Variants in DYRK1A observed in about 807,000 individuals in gnomAD.
DYRK1A encodes dual specificity tyrosine phosphorylation regulated kinase 1A, also known as dual specificity tyrosine-phosphorylation-regulated kinase 1A.
Under a neutral mutation model 79.7 loss-of-function variants are expected in DYRK1A, and 9 were observed. That is an observed-to-expected ratio of 0.11 (90% CI 0.07 to 0.20). The LOEUF (loss-of-function observed/expected upper bound fraction) is 0.20, where lower values mean the gene tolerates loss of function less well. Among genes scored for constraint, DYRK1A ranks in the 10% least tolerant of loss-of-function variants. DYRK1A has a pLI of 1.00. For missense variants in DYRK1A, 622 were observed against 956.0 expected, an observed-to-expected ratio of 0.65 and a Z score of 4.61; for synonymous variants, 349 against 329.7, an observed-to-expected ratio of 1.06 and a Z score of -0.63.
chr21:37,377,957 A>G (rs1430102933), intron 1 of DYRK1A, among the ~76,000 whole-genome samples: 1 of 152,234 alleles, frequency 6.6e-6, no homozygotes, highest in African/African-American at 2.4e-5. Flanking sequence ...TTCACCAGGT[A>G]TATGGATATT....
chr21:37,436,761 C>T (rs1371273951), intron 2 of DYRK1A, among the ~76,000 whole-genome samples: 1 of 152,088 alleles, frequency 6.6e-6, no homozygotes, highest in African/African-American at 2.4e-5. Context: ...ATCACACGTC[C>T]CCAGGCATAT....
intron 1 of DYRK1A, among the ~76,000 whole-genome samples, chr21:37,378,939 T>C (rs1224984467): frequency 6.6e-6 from 1 of 152,110 alleles, no homozygotes; most frequent in African/African-American, 2.4e-5. Context: ...GGGCTTTTTA[T>C]GGTGGAACCT....
intron 1 of DYRK1A, among the ~76,000 whole-genome samples, chr21:37,382,834 C>T (rs770287730): frequency 5.3e-5 from 8 of 152,052 alleles, no homozygotes; most frequent in South Asian, 4.2e-4. Context: ...AGTTAAGTGC[C>T]GTAAAGTTGA....
chr21:37,451,026 C>T (rs2051429723), intron 2 of DYRK1A, among the ~76,000 whole-genome samples: 3 of 152,100 alleles, frequency 2.0e-5, no homozygotes, highest in South Asian at 4.1e-4. Context: ...TCTTGGCTTA[C>T]GTGTATGTGT....
chr21:37,493,457 A>C (rs1220902378), intron 8 of DYRK1A, among the ~76,000 whole-genome samples: 1 of 152,238 alleles, frequency 6.6e-6, no homozygotes, highest in African/African-American at 2.4e-5. Context: ...CTTAAAGATG[A>C]TAAAGAATGA....
At chr21:37,505,999 G>A in intron 10 of DYRK1A, 100 bp from the exon 11 acceptor site, 1 of 1,353,448 alleles carries the variant, frequency 7.4e-7, no homozygotes, top group South Asian at 1.4e-5. Flanking sequence ...ATGTGTGTGT[G>A]TGAGTACTTT....
rs3138683 is a variant in DYRK1A, at chr21:37,458,268, C to CTGTGTGTGTGTGTGTGTG, written c.11-14394_11-14377dup. Among the ~76,000 whole-genome samples the CTGTGTGTGTGTGTGTGTG allele has an allele frequency of 6.5e-3, 847 of 130,526 alleles. 5 individuals are homozygous for CTGTGTGTGTGTGTGTGTG. Among genetic ancestry groups the CTGTGTGTGTGTGTGTGTG allele is most frequent in the Middle Eastern group, 0.012 (3 of 252 alleles). The allele number at this position is 130,526 out of a possible 152,430, so 85.6% of individuals were successfully genotyped here. ...TAGGGGAGGGCATCTGGGTAATTTA[C>CTGTGTGTGTGTGTGTGTG]TGTGTGTGTGTGTGTGTGTGTGTGT... On this transcript the variant is annotated intron_variant, in intron 2 of 11. Coordinates refer to ENST00000647188, the MANE Select transcript of DYRK1A (RefSeq NM_001347721.2).
intron 8 of DYRK1A, among the ~76,000 whole-genome samples, chr21:37,494,803 C>T (rs113475420): frequency 9.2e-5 from 14 of 151,900 alleles, no homozygotes; most frequent in African/African-American, 3.4e-4. Flanking sequence ...GAAAAATTAG[C>T]CTAGTGTGGT....
intron 5 of DYRK1A, 185 bp from the exon 6 acceptor site, chr21:37,486,282 T>G: frequency 2.6e-6 from 1 of 384,592 alleles, no homozygotes; most frequent in Non-Finnish European, 4.7e-6. Flanking sequence ...TTAAAGTTAC[T>G]GTGTAATAAG....
chr21:37,502,364 G>A (rs957103559), intron 9 of DYRK1A: 22 of 151,960 alleles, frequency 1.4e-4, no homozygotes, highest in African/African-American at 5.1e-4. Flanking sequence ...GGGGAGGTTT[G>A]TTGAATACTT....
At chr21:37,369,161 GT>G (rs1176946474) in intron 1 of DYRK1A, among the ~76,000 whole-genome samples, 1 of 152,136 alleles carries the variant, frequency 6.6e-6, no homozygotes, top group Non-Finnish European at 1.5e-5. Flanking sequence ...CCCTTTTATA[GT>G]TTATGTGTCC....
intron 11 of DYRK1A, among the ~76,000 whole-genome samples, chr21:37,510,924 G>A (rs150778097): frequency 6.6e-6 from 1 of 152,266 alleles, no homozygotes; most frequent in East Asian, 1.9e-4. Context: ...AGAATATTGT[G>A]CACAACCAGT....
In DYRK1A at chr21:37,366,778, G is replaced by T. The variant is rs1446308465; in HGVS notation, c.-927G>T. ...TGATTGACAGTTGCTATAGCGACCGGGTCGGTCCGTCGCCATTTTGTTGGT... is the reference window on the plus strand; with the variant it reads ...TGATTGACAGTTGCTATAGCGACCGTGTCGGTCCGTCGCCATTTTGTTGGT... On this transcript the variant is annotated 5_prime_UTR_variant, in exon 1 of 12. Coordinates refer to ENST00000647188, the MANE Select transcript of DYRK1A (RefSeq NM_001347721.2). Among the ~76,000 whole-genome samples, 1 of 152,008 alleles carries T rather than the reference G, an allele frequency of 6.6e-6. No individual in the cohort carries two copies. Among genetic ancestry groups the T allele is most frequent in the Admixed American group, 6.5e-5 (1 of 15,280 alleles).
At chr21:37,396,357 G>T (rs1049215728) in intron 1 of DYRK1A, among the ~76,000 whole-genome samples, 41 of 151,980 alleles carry the variant, frequency 2.7e-4, no homozygotes, top group Admixed American at 2.6e-3. Flanking sequence ...GTATTTGTCC[G>T]TTTTCTGTGT....
At chr21:37,426,460 T>G (rs977061811) in intron 2 of DYRK1A, among the ~76,000 whole-genome samples, 1 of 151,924 alleles carries the variant, frequency 6.6e-6, no homozygotes, top group Admixed American at 6.6e-5. Flanking sequence ...CAGAGAAATT[T>G]AGAAAATGAT....
At chr21:37,484,020 A>ACAG (rs1386682937) in intron 5 of DYRK1A, among the ~76,000 whole-genome samples, 1 of 152,166 alleles carries the variant, frequency 6.6e-6, no homozygotes, top group Non-Finnish European at 1.5e-5. Context: ...CCCGGGCTAC[A>ACAG]CAGCAGGAGG....
At chr21:37,449,690 C>T (rs1029661295) in intron 2 of DYRK1A, among the ~76,000 whole-genome samples, 1 of 152,202 alleles carries the variant, frequency 6.6e-6, no homozygotes, top group Non-Finnish European at 1.5e-5. Context: ...ATTGACTTCT[C>T]TGTGAGCTAC....
At chr21:37,410,239 G>C (rs2050218493) in intron 1 of DYRK1A, among the ~76,000 whole-genome samples, 1 of 152,162 alleles carries the variant, frequency 6.6e-6, no homozygotes, top group East Asian at 1.9e-4. Flanking sequence ...CTGTTCAGTT[G>C]GAGAAGAAGC....
At chr21:37,384,422 C>T (rs1385642214) in intron 1 of DYRK1A, among the ~76,000 whole-genome samples, 1 of 152,080 alleles carries the variant, frequency 6.6e-6, no homozygotes, top group Non-Finnish European at 1.5e-5. Context: ...ATTGAGACCC[C>T]AGAAGAGTTA....
Sources: gnomAD v4.1 joint callset for allele counts (sites outside exome capture counted in the v4.1 genomes callset) on GRCh38, gnomAD v4.1.1 for gene constraint, MANE v1.5 for transcripts, NCBI Gene and HGNC (gene_info 2026-07-23, HGNC 2026-07-21) for gene names.